Variants in GNG2 observed in about 807,000 individuals in gnomAD.
GNG2 encodes the protein guanine nucleotide-binding protein G(I)/G(S)/G(O) subunit gamma-2.
GNG2 carries 5 observed loss-of-function variants against 5.5 expected under a neutral mutation model. The ratio of observed to expected loss-of-function variants is 0.91; its 90% CI spans 0.48 to 1.92. The LOEUF (loss-of-function observed/expected upper bound fraction) is 1.92. Ranked by LOEUF, GNG2 falls within the 30% of genes most tolerant of loss-of-function variation. GNG2 has a pLI of 0.01. For missense variants in GNG2, 55 were observed against 88.4 expected, an observed-to-expected ratio of 0.62 and a Z score of 1.52; for synonymous variants, 28 against 32.0, an observed-to-expected ratio of 0.88 and a Z score of 0.42.
At chr14:51,966,227 A>AAAAC (rs1889895725) in intron 3 of GNG2, among the ~76,000 whole-genome samples, 1 of 148,842 alleles carries the variant, frequency 6.7e-6, no homozygotes, top group Non-Finnish European at 1.5e-5. Context: ...AAAAAAAAAA[A>AAAAC]AAAAAAAAAA....
intron 2 of GNG2, among the ~76,000 whole-genome samples, chr14:51,938,347 T>A (rs144423795): frequency 6.6e-5 from 10 of 152,342 alleles, no homozygotes; most frequent in Middle Eastern, 3.4e-3. Context: ...GGAATGGAGA[T>A]TATGCATGTA....
At chr14:51,943,236 T>C (rs1473874749) in intron 2 of GNG2, among the ~76,000 whole-genome samples, 1 of 152,212 alleles carries the variant, frequency 6.6e-6, no homozygotes, top group Non-Finnish European at 1.5e-5. Context: ...TCACCCTCTT[T>C]TTAACCAAAA....
intron 3 of GNG2, among the ~76,000 whole-genome samples, chr14:51,953,188 A>G (rs962200647): frequency 4.6e-5 from 7 of 152,186 alleles, no homozygotes; most frequent in Non-Finnish European, 8.8e-5. Context: ...CTAGACCCGC[A>G]TCATAAGGTT....
intron 2 of GNG2, among the ~76,000 whole-genome samples, chr14:51,885,610 C>A: frequency 6.7e-6 from 1 of 149,842 alleles, no homozygotes; most frequent in Non-Finnish European, 1.5e-5. Context: ...CACACACACA[C>A]CCCCGCCCCC....
intron 2 of GNG2, among the ~76,000 whole-genome samples, chr14:51,840,672 G>C (rs924166426): frequency 1.3e-5 from 2 of 152,194 alleles, no homozygotes; most frequent in Non-Finnish European, 2.9e-5. Context: ...TCAGTGAATG[G>C]ATAAAGAGAG....
At chr14:51,845,527 A>G (rs1294866468) in intron 2 of GNG2, among the ~76,000 whole-genome samples, 2 of 152,118 alleles carry the variant, frequency 1.3e-5, no homozygotes, top group Admixed American at 1.3e-4. Context: ...TTTAAACTAT[A>G]ATTAGATCTT....
chr14:51,847,330 C>T (rs982528779), intron 2 of GNG2: 1 of 152,246 alleles, frequency 6.6e-6, no homozygotes, highest in South Asian at 2.1e-4. Context: ...GGAGTGTCAA[C>T]CCCAATTGGC....
At chr14:51,847,711 T>A (rs1881686144) in intron 2 of GNG2, among the ~76,000 whole-genome samples, 2 of 152,170 alleles carry the variant, frequency 1.3e-5, no homozygotes, top group South Asian at 4.2e-4. Flanking sequence ...CAGAAGGCCT[T>A]AGCTCCTGGA....
chr14:51,842,933 G>A (rs1881522490), intron 2 of GNG2, among the ~76,000 whole-genome samples: 2 of 152,152 alleles, frequency 1.3e-5, no homozygotes, highest in African/African-American at 4.8e-5. Context: ...CAGAAGTGCT[G>A]GGATTACAGG....
chr14:51,870,354 A>G (rs1349074494), intron 1 of GNG2, among the ~76,000 whole-genome samples: 2 of 152,260 alleles, frequency 1.3e-5, no homozygotes, highest in East Asian at 3.8e-4. Flanking sequence ...AAAGTAAAGA[A>G]TAACCTTCTA....
chr14:51,930,969 G>T (rs373068141), intron 2 of GNG2, among the ~76,000 whole-genome samples: 12 of 152,266 alleles, frequency 7.9e-5, no homozygotes, highest in African/African-American at 2.6e-4. Context: ...GGTGGCATGC[G>T]CCTATAGTCC....
chr14:51,883,973 G>A (rs190118640), intron 2 of GNG2, among the ~76,000 whole-genome samples: 7 of 152,156 alleles, frequency 4.6e-5, no homozygotes, highest in Admixed American at 4.6e-4. Context: ...AATTCAAGTA[G>A]TAGGGACAGG....
chr14:51,964,476 GT>G (rs1411797054), intron 3 of GNG2, among the ~76,000 whole-genome samples: 1 of 152,116 alleles, frequency 6.6e-6, no homozygotes, highest in Non-Finnish European at 1.5e-5. Flanking sequence ...ATTCTTAGGG[GT>G]TTGCAATAGC....
At chr14:51,843,731 GT>G (rs1881549004) in intron 2 of GNG2, among the ~76,000 whole-genome samples, 1 of 152,104 alleles carries the variant, frequency 6.6e-6, no homozygotes, top group Admixed American at 6.5e-5. Flanking sequence ...AGTTTTAATG[GT>G]TCCTCATGTT....
Position 51,878,114 on chromosome 14 carries a change from A to G in GNG2, c.-30+457A>G, listed in dbSNP as rs571989422. 13 of 163,268 alleles carry G rather than the reference A, an allele frequency of 8.0e-5. No homozygotes were observed. The South Asian group carries it at 1.2e-3, about 15-fold the overall frequency. The allele number at this position is 163,268 out of a possible 1,614,324, so 10.1% of individuals were successfully genotyped here. A position where few individuals can be genotyped will look rare whatever the true frequency, so the allele number is the denominator to read the frequency against. On this transcript the variant is annotated intron_variant, in intron 2 of 3. Coordinates refer to ENST00000556766, the MANE Select transcript of GNG2 (RefSeq NM_053064.5). Reference sequence around the variant, plus strand: ...CAGCAACAACAACAACAAGAGGTCAATCTAATGCTATTGGGGTTTCATCTT... The same window carrying G: ...CAGCAACAACAACAACAAGAGGTCAGTCTAATGCTATTGGGGTTTCATCTT...
chr14:51,851,264 T>C (rs1469694074), intron 2 of GNG2, among the ~76,000 whole-genome samples: 1 of 152,210 alleles, frequency 6.6e-6, no homozygotes, highest in African/African-American at 2.4e-5. Context: ...TCAAAAGATA[T>C]AACTTGGCTC....
At chr14:51,940,069 C>T (rs1888226521) in intron 2 of GNG2, 1 of 152,210 alleles carries the variant, frequency 6.6e-6, no homozygotes, top group Admixed American at 6.5e-5. Context: ...GCTCTTGGTC[C>T]ATAAGCAAAT....
At chr14:51,907,507 C>A (rs990611484) in intron 2 of GNG2, among the ~76,000 whole-genome samples, 21 of 152,176 alleles carry the variant, frequency 1.4e-4, no homozygotes, top group African/African-American at 5.1e-4. Flanking sequence ...GAAAAGGAGT[C>A]CATTCCTCTT....
intron 2 of GNG2, among the ~76,000 whole-genome samples, chr14:51,934,403 G>T (rs1457044732): frequency 6.6e-6 from 1 of 152,122 alleles, no homozygotes. Flanking sequence ...TGGAATATGG[G>T]CTGAAACTTC....
Sources: gnomAD v4.1 joint callset for allele counts (sites outside exome capture counted in the v4.1 genomes callset) on GRCh38, gnomAD v4.1.1 for gene constraint, MANE v1.5 for transcripts, NCBI Gene and HGNC (gene_info 2026-07-23, HGNC 2026-07-21) for gene names.